Variants in CASK observed in about 807,000 individuals in gnomAD.
The protein encoded by CASK is calcium/calmodulin dependent serine protein kinase, also known as peripheral plasma membrane protein CASK.
A neutral mutation model predicts 82.9 loss-of-function variants in CASK; 4 were observed. The ratio of observed to expected loss-of-function variants is 0.05; its 90% CI spans 0.02 to 0.11. The LOEUF is 0.11. Ranked by LOEUF, CASK falls within the 10% of genes least tolerant of loss-of-function variation. The pLI is 1.00. For synonymous variants in CASK, 259 were observed against 253.5 expected, an observed-to-expected ratio of 1.02 and a Z score of -0.20; for missense variants, 358 against 720.9, an observed-to-expected ratio of 0.50 and a Z score of 5.76.
At chrX:41,578,953 A>G (rs1375830709) in intron 14 of CASK, among the ~76,000 whole-genome samples, 1 of 112,361 alleles carries the variant, frequency 8.9e-6, no homozygotes, top group Non-Finnish European at 1.9e-5. Context: ...GAGTGAATCA[A>G]TGAAGAGATG....
intron 1 of CASK, among the ~76,000 whole-genome samples, chrX:41,897,781 C>T (rs886068477): frequency 9.0e-6 from 1 of 111,441 alleles, no homozygotes; most frequent in Admixed American, 9.5e-5. Flanking sequence ...CAAGAAGAAA[C>T]CAACCATAGA....
intron 2 of CASK, among the ~76,000 whole-genome samples, chrX:41,812,182 T>C (rs1309611283): frequency 8.1e-5 from 9 of 111,614 alleles, no homozygotes; most frequent in Non-Finnish European, 1.5e-4. Context: ...TGGTACCATT[T>C]CTTCTGAAAC....
At chrX:41,890,428 C>T (rs1297994076) in intron 1 of CASK, among the ~76,000 whole-genome samples, 10 of 109,892 alleles carry the variant, frequency 9.1e-5, no homozygotes, top group African/African-American at 3.3e-4. Flanking sequence ...AAAAAAAAAA[C>T]AGCACATTAT....
chrX:41,601,639 C>A (rs2065895272), intron 12 of CASK, among the ~76,000 whole-genome samples: 1 of 111,498 alleles, frequency 9.0e-6, no homozygotes, highest in Non-Finnish European at 1.9e-5. Flanking sequence ...AGTTGTACAA[C>A]CACCATCTCA....
At position 41,518,749 on chromosome X, in the gene CASK, A is replaced by G. The variant is rs2064595748; in HGVS notation, c.*1671T>C. On this transcript the variant is annotated 3_prime_UTR_variant, in exon 27 of 27. Transcript: ENST00000378163. ...GGCCATCTAACCTACAAGAAGCAAAAAATGATGGTATGTTTTCAAGGATCA... is the reference window on the plus strand; with the variant it reads ...GGCCATCTAACCTACAAGAAGCAAAGAATGATGGTATGTTTTCAAGGATCA... 9.0e-6 allele frequency: 1 copy of G among 110,640 alleles called. No homozygotes were observed. Among genetic ancestry groups the G allele is most frequent in the Non-Finnish European group, 1.9e-5 (1 of 52,920 alleles). The allele number at this position is 110,640 out of a possible 1,213,427, so 9.1% of individuals were successfully genotyped here.
intron 2 of CASK, among the ~76,000 whole-genome samples, chrX:41,805,592 T>A: frequency 9.0e-6 from 1 of 111,322 alleles, no homozygotes; most frequent in Non-Finnish European, 1.9e-5. Flanking sequence ...AAGCCATACA[T>A]AGTGTCAGGA....
chrX:41,536,821 T>C (rs1392167643), intron 22 of CASK, among the ~76,000 whole-genome samples: 1 of 111,404 alleles, frequency 9.0e-6, no homozygotes, highest in African/African-American at 3.3e-5. Flanking sequence ...GTAGGGCTAG[T>C]TAGTTATACT....
chrX:41,879,642 A>G (rs972763629), intron 1 of CASK, among the ~76,000 whole-genome samples: 2 of 111,722 alleles, frequency 1.8e-5, no homozygotes, highest in African/African-American at 6.5e-5. Context: ...AATGGCATTA[A>G]GAACATGAAG....
intron 5 of CASK, chrX:41,727,333 A>G (rs751137473): frequency 1.7e-6 from 2 of 1,207,112 alleles, no homozygotes; most frequent in South Asian, 1.8e-5. Flanking sequence ...GCATGCAAGT[A>G]TGTTTGTCAG....
chrX:41,713,577 A>G (rs1470373719), intron 5 of CASK, among the ~76,000 whole-genome samples: 3 of 112,288 alleles, frequency 2.7e-5, no homozygotes, highest in South Asian at 7.4e-4. Flanking sequence ...TGCTATGGCT[A>G]AGGGAGCCTC....
At chrX:41,861,753 G>A (rs2071482039) in intron 1 of CASK, among the ~76,000 whole-genome samples, 1 of 100,027 alleles carries the variant, frequency 1.0e-5, no homozygotes, top group African/African-American at 3.7e-5. Flanking sequence ...TATATTACAT[G>A]TATATATACA....
Position 41,823,286 on chromosome X carries a change from C to CTGTTATTA in CASK, c.172+29828_172+29829insTAATAACA, listed in dbSNP as rs2070589474. Among the ~76,000 whole-genome samples the CTGTTATTA allele has an allele frequency of 1.4e-4, 15 of 108,943 alleles. No homozygotes were observed. The South Asian group carries it at 4.5e-3, about 33-fold the overall frequency. The allele number at this position is 108,943 out of a possible 115,157, so 94.6% of individuals were successfully genotyped here. ...TGATGGAAGAGGGGCCCACCCTCCACCTGCTGCCTATCGAAGATCTCAGTC... is the reference window on the plus strand; with the variant it reads ...TGATGGAAGAGGGGCCCACCCTCCACTGTTATTACTGCTGCCTATCGAAGATCTCAGTC... On this transcript the variant is annotated intron_variant, in intron 2 of 26. Coordinates refer to ENST00000378163, the MANE Select transcript of CASK (RefSeq NM_001367721.1).
At chrX:41,738,448 T>A (rs767939822) in intron 5 of CASK, among the ~76,000 whole-genome samples, 87 of 112,788 alleles carry the variant, frequency 7.7e-4, no homozygotes, top group Non-Finnish European at 1.3e-3. Flanking sequence ...TATTAAAATA[T>A]TTTACTAGAT....
In CASK at chrX:41,851,725, A is replaced by G. The variant is rs981039349; in HGVS notation, c.172+1390T>C. ...AACAATGCTTAAGAGAATTTGGCTT[A>G]TATTATTCCAATTTAATATTGGTAA... On this transcript the variant is annotated intron_variant, in intron 2 of 26. Coordinates refer to ENST00000378163, the MANE Select transcript of CASK (RefSeq NM_001367721.1). Among the ~76,000 whole-genome samples, 4 of 112,124 alleles carry G rather than the reference A, an allele frequency of 3.6e-5. No individual in the cohort carries two copies. The East Asian group carries it at 1.1e-3, about 31-fold the overall frequency.
chrX:41,812,768 G>A (rs2070322075), intron 2 of CASK, among the ~76,000 whole-genome samples: 1 of 111,460 alleles, frequency 9.0e-6, no homozygotes, highest in South Asian at 3.8e-4. Flanking sequence ...AAGAAATAAA[G>A]GGTAACCAAT....
intron 3 of CASK, among the ~76,000 whole-genome samples, chrX:41,758,919 A>C (rs1479536473): frequency 8.9e-6 from 1 of 112,199 alleles, no homozygotes; most frequent in African/African-American, 3.2e-5. Context: ...TTTTGGTGGA[A>C]GCTGTCTATT....
intron 3 of CASK, among the ~76,000 whole-genome samples, chrX:41,780,796 G>GCACA (rs1376121983): frequency 1.8e-5 from 2 of 110,762 alleles, no homozygotes; most frequent in Non-Finnish European, 3.8e-5. Flanking sequence ...TTACAGGTGT[G>GCACA]TGCCACCACA....
At chrX:41,829,694 A>AAG (rs1446566736) in intron 2 of CASK, among the ~76,000 whole-genome samples, 5 of 21,757 alleles carry the variant, frequency 2.3e-4, no homozygotes, top group African/African-American at 8.9e-4. Flanking sequence ...GCTAGGTCAC[A>AAG]AGATATATAT....
chrX:41,629,230 C>T (rs1480461185), intron 9 of CASK, among the ~76,000 whole-genome samples: 1 of 111,625 alleles, frequency 9.0e-6, no homozygotes, highest in Non-Finnish European at 1.9e-5. Context: ...CTTACGGCCT[C>T]AGCCTCCCAA....
Sources: gnomAD v4.1 joint callset for allele counts (sites outside exome capture counted in the v4.1 genomes callset) on GRCh38, gnomAD v4.1.1 for gene constraint, MANE v1.5 for transcripts, NCBI Gene and HGNC (gene_info 2026-07-23, HGNC 2026-07-21) for gene names.